ALG1: variants seen among roughly 807,000 people sequenced by gnomAD.
The protein encoded by ALG1 is ALG1 chitobiosyldiphosphodolichol beta-mannosyltransferase.
A neutral mutation model predicts 55.1 loss-of-function variants in ALG1; 58 were observed. The ratio of observed to expected loss-of-function variants is 1.05; its 90% CI spans 0.85 to 1.31. The LOEUF (loss-of-function observed/expected upper bound fraction) is 1.31, where lower values mean the gene tolerates loss of function less well. Ranked by LOEUF, ALG1 falls within the 50% of genes most tolerant of loss-of-function variation. ALG1 has a pLI of 0.00. For missense variants in ALG1, 761 were observed against 598.6 expected (o/e 1.27, Z -2.83); for synonymous variants, 309 against 247.0 (o/e 1.25, Z -2.35).
intron 3 of ALG1, among the ~76,000 whole-genome samples, chr16:5,074,096 C>CT (rs112196118): frequency 0.012 from 1,790 of 150,610 alleles, 34 homozygotes; most frequent in African/African-American, 0.041. Context: ...AGGAAGAATA[C>CT]TTTTTTTTTT....
Position 5,078,505 on chromosome 16 carries a change from G to T in ALG1, c.741-252G>T, listed in dbSNP as rs1363962204. ...CTGCACCCTCATCTTGAGTCCAGGG[G>T]ATGATAAGACAGTAAGTCCCGTGGA... On this transcript the variant is annotated intron_variant, in intron 6 of 12. Coordinates refer to ENST00000262374, the MANE Select transcript of ALG1 (RefSeq NM_019109.5). The T allele has an allele frequency of 1.4e-5, 10 of 727,560 alleles. No individual in the cohort carries two copies. In the Admixed American group the frequency reaches 1.9e-4, roughly 14 times the overall value. 45.1% of individuals were successfully genotyped at this position (727,560 alleles called of 1,614,324 possible).
chr16:5,072,220 C>G, intron 1 of ALG1, 163 bp downstream of exon 1: 1 of 1,526,176 alleles, frequency 6.6e-7, no homozygotes, highest in Non-Finnish European at 8.8e-7. Context: ...CTGGGTGGGT[C>G]TCTAGGTATA....
intron 3 of ALG1, among the ~76,000 whole-genome samples, chr16:5,075,185 T>A (rs938832770): frequency 2.6e-5 from 4 of 152,190 alleles, no homozygotes; most frequent in African/African-American, 9.7e-5. Flanking sequence ...ATTACAGGCA[T>A]CAGCCACCGC....
At position 5,085,118 on chromosome 16, in the gene ALG1, A is replaced by G; in HGVS notation, c.*237A>G. 2 of 702,294 alleles carry G rather than the reference A, an allele frequency of 2.8e-6. No individual in the cohort carries two copies. Among genetic ancestry groups the G allele is most frequent in the Non-Finnish European group, 4.7e-6 (2 of 427,026 alleles). The allele number at this position is 702,294 out of a possible 1,614,324, so 43.5% of individuals were successfully genotyped here. A position where few individuals can be genotyped will look rare whatever the true frequency, so the allele number is the denominator to read the frequency against. ...TCTCTTCTTCTGTTCTTCACGCCCC[A>G]TGCCCCTGCTAGCGTATTACTGTTC... On this transcript the variant is annotated 3_prime_UTR_variant, in exon 13 of 13. Transcript: ENST00000262374.
chr16:5,080,921 G>A, intron 9 of ALG1, 25 bp from the exon 10 acceptor site: 2 of 1,594,884 alleles, frequency 1.3e-6, no homozygotes, highest in Non-Finnish European at 1.7e-6. Context: ...TGGGTCCATG[G>A]CAGTGTCTGC....
chr16:5,085,630 T>C lies in ALG1; in HGVS notation c.*749T>C. Reference sequence around the variant, plus strand: ...CAATCCCGTTGGAGTCGTGTGTGAGTCCTACAGGGTGAGATTCAGCATTGC... The same window carrying C: ...CAATCCCGTTGGAGTCGTGTGTGAGCCCTACAGGGTGAGATTCAGCATTGC... On this transcript the variant is annotated 3_prime_UTR_variant, in exon 13 of 13. Coordinates refer to ENST00000262374, the MANE Select transcript of ALG1 (RefSeq NM_019109.5). 1 of 1,597,112 alleles carries C rather than the reference T, an allele frequency of 6.3e-7. No individual in the cohort carries two copies. The highest frequency in any genetic ancestry group is 1.1e-5 in the South Asian group (1 of 90,698).
rs945137503 is a variant in ALG1, at chr16:5,079,229, G to A, written c.901+127G>A. ...GTGGGGCAGCCTGGGGACAGCGGGG[G>A]TGGTGGAAGTGGGCCGCCCTGAATC... On this transcript the variant is annotated intron_variant, in intron 8 of 12. Transcript: ENST00000262374. 11 of 1,271,786 alleles carry A rather than the reference G, an allele frequency of 8.6e-6. No homozygotes were observed. The African/African-American group carries it at 8.9e-5, about 10-fold the overall frequency. The allele number at this position is 1,271,786 out of a possible 1,614,324, so 78.8% of individuals were successfully genotyped here.
At position 5,084,715 on chromosome 16, in the gene ALG1, C is replaced by T. The variant is rs569303653; in HGVS notation, c.1264-35C>T. The stretch of plus-strand genomic sequence containing the variant: ...TGACCTGGGATGGGGTGGGGACAGG[C>T]AATGAGGTAAGCTCTGCTCTTTATT... On this transcript the variant is annotated intron_variant, in intron 12 of 12. Transcript: ENST00000262374. 1.1e-5 allele frequency: 17 copies of T among 1,596,118 alleles called. No homozygotes were observed. In the South Asian group the frequency reaches 1.5e-4, roughly 14 times the overall value.
At chr16:5,081,110 G>GGGGGTAACTGGGGGGGGGGC in intron 10 of ALG1, 54 bp downstream of exon 10, 1 of 519,952 alleles carries the variant, frequency 1.9e-6, no homozygotes, top group East Asian at 5.2e-5. Flanking sequence ...GGGTGGGCGG[G>GGGGGTAACTGGGGGGGGGGC]ATGTACTTTT....
At position 5,082,102 on chromosome 16, in the gene ALG1, T is replaced by C. The variant is rs187854244; in HGVS notation, c.1073-457T>C. Among the ~76,000 whole-genome samples, 11 of 151,502 alleles carry C rather than the reference T, an allele frequency of 7.3e-5. No homozygotes were observed. The East Asian group carries it at 2.2e-3, about 30-fold the overall frequency. ...TGACTACAGGCGCCTGCCACGATGC[T>C]TGGCTAATTTTGTATTTTTTTTAGT... is the stretch of plus-strand genomic sequence containing the variant. On this transcript the variant is annotated intron_variant, in intron 10 of 12. Transcript: ENST00000262374.
At chr16:5,075,841 C>T (rs1045589922) in intron 4 of ALG1, among the ~76,000 whole-genome samples, 6 of 152,236 alleles carry the variant, frequency 3.9e-5, no homozygotes, top group African/African-American at 1.4e-4. Flanking sequence ...TCCCGGAACT[C>T]TCCTAGCTCT....
At position 5,084,953 on chromosome 16, in the gene ALG1, C is replaced by A. The variant is rs1596265233; in HGVS notation, c.*72C>A. ...GCAGCTTCTTCTTGGAGTCTCAGGG[C>A]AAACCCTTTCGAGCAGCACCTCCCA... On this transcript the variant is annotated 3_prime_UTR_variant, in exon 13 of 13. Transcript: ENST00000262374. The A allele has an allele frequency of 3.1e-6, 5 of 1,595,584 alleles. No homozygotes were observed. The East Asian group carries it at 1.1e-4, about 36-fold the overall frequency.
intron 3 of ALG1, 139 bp downstream of exon 3, chr16:5,073,395 G>C: frequency 1.3e-6 from 1 of 746,010 alleles, no homozygotes; most frequent in Non-Finnish European, 2.3e-6. Flanking sequence ...GGAGCCTATG[G>C]TATGTGTCTA....
Position 5,075,402 on chromosome 16 carries a change from G to T in ALG1, c.405G>T (p.Leu135=). The change falls in exon 4 of 13, where the codon CTG becomes CTT. Residue 135 remains leucine, a synonymous_variant. Coordinates refer to ENST00000262374, the MANE Select transcript of ALG1 (RefSeq NM_019109.5). ...AYIFLQNPPG[L]PSIAVCWFVG... is the part of the protein sequence containing the mutation. ...ATCTTTCCTAGAACCCCCCAGGTCTGCCTAGCATTGCTGTCTGCTGGTTCG... is the reference window on the plus strand; with the variant it reads ...ATCTTTCCTAGAACCCCCCAGGTCTTCCTAGCATTGCTGTCTGCTGGTTCG... 1 of 1,614,144 alleles carries T rather than the reference G, an allele frequency of 6.2e-7. No individual in the cohort carries two copies. Among genetic ancestry groups the T allele is most frequent in the Non-Finnish European group, 8.5e-7 (1 of 1,180,032 alleles).
intron 1 of ALG1, among the ~76,000 whole-genome samples, chr16:5,072,544 C>A (rs1430116258): frequency 6.6e-6 from 1 of 152,204 alleles, no homozygotes; most frequent in Non-Finnish European, 1.5e-5. Context: ...GAGGGTAGCT[C>A]AACCCCATCT....
chr16:5,081,015 G>A lies in ALG1; in HGVS notation c.1031G>A (p.Cys344Tyr). 6.3e-7 allele frequency: 1 copy of A among 1,581,640 alleles called. No homozygotes were observed. The highest frequency in any genetic ancestry group is 8.5e-7 in the Non-Finnish European group (1 of 1,171,460). Residue 344 changes from cysteine (C) to tyrosine (Y), a missense_variant, in exon 10 of 13, where the codon TGC becomes TAC. Transcript: ENST00000262374. The part of the protein sequence containing the change: ...HQKHFQHIQV[C>Y]TPWLEAEDYP... ...AAGCACTTCCAGCACATCCAGGTCT[G>A]CACCCCCTGGCTGGAGGCCGAGGAC...
chr16:5,076,422 C>A (rs928470019), intron 4 of ALG1, among the ~76,000 whole-genome samples: 1 of 152,206 alleles, frequency 6.6e-6, no homozygotes, highest in African/African-American at 2.4e-5. Context: ...TTACCCTGTT[C>A]AATCTCTATG....
Position 5,078,828 on chromosome 16 carries a change from C to T in ALG1, c.812C>T (p.Thr271Met), listed in dbSNP as rs368722637. The T allele has an allele frequency of 3.4e-5, 55 of 1,612,160 alleles. No homozygotes were observed. The highest frequency in any genetic ancestry group is 2.7e-4 in the African/African-American group (20 of 74,864). ...TERDAGSGLV[T>M]RLRERPALLV... ...CGGGATGCTGGGAGCGGGCTGGTGA[C>T]GCGTCTCCGTGAGCGGCCAGCCCTG... The change falls in exon 7 of 13, where the codon ACG becomes ATG. Residue 271 changes from threonine (T) to methionine (M), a missense_variant. By Grantham distance (81) the Thr-to-Met change is moderately conservative (BLOSUM62 -1). Coordinates refer to ENST00000262374, the MANE Select transcript of ALG1 (RefSeq NM_019109.5).
chr16:5,072,263 T>G, intron 1 of ALG1: 1 of 1,467,326 alleles, frequency 6.8e-7, no homozygotes, highest in Non-Finnish European at 9.0e-7. Flanking sequence ...GTCAGAAGTG[T>G]GTTAAGTGAA....
Sources: gnomAD v4.1 joint callset for allele counts (sites outside exome capture counted in the v4.1 genomes callset) on GRCh38, gnomAD v4.1.1 for gene constraint, MANE v1.5 for transcripts, NCBI Gene and HGNC (gene_info 2026-07-23, HGNC 2026-07-21) for gene names.